Variants in ITGAV observed in about 807,000 individuals in gnomAD.
The protein encoded by ITGAV is integrin alpha-V.
A neutral mutation model predicts 143.8 loss-of-function variants in ITGAV; 76 were observed. That is an observed-to-expected ratio of 0.53 (90% CI 0.44 to 0.64). The LOEUF is 0.64. Among genes scored for constraint, ITGAV ranks in the 30% least tolerant of loss-of-function variants. The probability of loss-of-function intolerance (pLI) is 0.00; values close to 1 mark genes in which losing one functional copy is unlikely to be tolerated. For synonymous variants in ITGAV, 453 were observed against 446.7 expected, an observed-to-expected ratio of 1.01 and a Z score of -0.18; for missense variants, 1,193 against 1,274.7, an observed-to-expected ratio of 0.94 and a Z score of 0.98.
At chr2:186,625,678 T>TGTGTGTGTGTGTGAGA (rs5836988) in intron 4 of ITGAV, 91 bp downstream of exon 4, 9 of 453,186 alleles carry the variant, frequency 2.0e-5, no homozygotes, top group South Asian at 9.0e-5. Flanking sequence ...TGTGTGTGTG[T>TGTGTGTGTGTGTGAGA]GAGAGAGAGA....
chr2:186,663,932 A>T (rs958742663), intron 19 of ITGAV, 97 bp downstream of exon 19: 1 of 799,814 alleles, frequency 1.3e-6, no homozygotes, highest in Admixed American at 2.1e-5. Flanking sequence ...AGAATTAGTT[A>T]TCCTGGAGGG....
chr2:186,625,542 C>T lies in ITGAV; in HGVS notation c.478C>T (p.Leu160Phe). 6.2e-7 allele frequency: 1 copy of T among 1,613,744 alleles called. No homozygotes were observed. The highest frequency in any genetic ancestry group is 8.5e-7 in the Non-Finnish European group (1 of 1,179,884). The change falls in exon 4 of 30, where the codon CTT becomes TTT. Residue 160 changes from leucine (L) to phenylalanine (F), a missense_variant. Coordinates refer to ENST00000261023, the MANE Select transcript of ITGAV (RefSeq NM_002210.5). Reference sequence around the variant, plus strand: ...GCGAGAGCCTGTTGGAACATGCTTTCTTCAAGATGGAACAAAGACTGTTGA... The same window carrying T: ...GCGAGAGCCTGTTGGAACATGCTTTTTTCAAGATGGAACAAAGACTGTTGA... ...QEREPVGTCFLQDGTKTVEYA... is the reference protein window; with the variant it reads ...QEREPVGTCFFQDGTKTVEYA...
At position 186,652,094 on chromosome 2, in the gene ITGAV, G is replaced by C. The variant is rs755843542; in HGVS notation, c.1505+5G>C. On this transcript the variant is annotated splice_donor_5th_base_variant and intron_variant, in intron 15 of 29. Coordinates refer to ENST00000261023, the MANE Select transcript of ITGAV (RefSeq NM_002210.5). ...AACAGCTCTCAAAGTTTCCTGGTAAGGGTATTTGTTTAATAATAGTTATTA... is the reference window on the plus strand; with the variant it reads ...AACAGCTCTCAAAGTTTCCTGGTAACGGTATTTGTTTAATAATAGTTATTA... 13 of 1,528,254 alleles carry C rather than the reference G, an allele frequency of 8.5e-6. No homozygotes were observed. The highest frequency in any genetic ancestry group is 1.1e-5 in the Non-Finnish European group (12 of 1,104,208). The allele number at this position is 1,528,254 out of a possible 1,614,324, so 94.7% of individuals were successfully genotyped here.
Position 186,656,305 on chromosome 2 carries a change from A to G in ITGAV, c.1623A>G (p.Ala541=). Residue 541 remains alanine (A), a synonymous_variant, in exon 17 of 30, where the codon GCA becomes GCG. Transcript: ENST00000261023. ...KLKQKGAIRR[A]LFLYSRSPSH... ...AGCAAAAGGGAGCAATTCGACGAGC[A>G]CTGTTTCTCTACAGCAGGTCCCCAA... The G allele has an allele frequency of 1.3e-6, 2 of 1,587,590 alleles. No homozygotes were observed. Among genetic ancestry groups the G allele is most frequent in the Non-Finnish European group, 8.5e-7 (1 of 1,170,526 alleles).
intron 2 of ITGAV, among the ~76,000 whole-genome samples, chr2:186,608,646 G>C (rs1014114943): frequency 2.0e-5 from 3 of 151,720 alleles, no homozygotes; most frequent in Admixed American, 6.6e-5. Context: ...TGATGTTATA[G>C]TATGTTTGTT....
intron 29 of ITGAV, 58 bp downstream of exon 29, chr2:186,676,993 A>G: frequency 6.5e-7 from 1 of 1,544,400 alleles, no homozygotes. Context: ...GGGAAAGGGA[A>G]GAAGGAAAAG....
intron 19 of ITGAV, 124 bp from the exon 20 acceptor site, chr2:186,664,370 A>G (rs1185675623): frequency 1.1e-6 from 1 of 924,106 alleles, no homozygotes; most frequent in Non-Finnish European, 1.6e-6. Context: ...AAGTAGTCTT[A>G]AAATACCTTG....
intron 10 of ITGAV, among the ~76,000 whole-genome samples, chr2:186,639,539 G>A (rs1666014548): frequency 6.6e-6 from 1 of 152,154 alleles, no homozygotes; most frequent in Non-Finnish European, 1.5e-5. Flanking sequence ...GTATGAGTCT[G>A]GATCCTACTG....
intron 15 of ITGAV, among the ~76,000 whole-genome samples, chr2:186,652,986 C>T (rs1688479826): frequency 7.3e-6 from 1 of 137,852 alleles, no homozygotes; most frequent in African/African-American, 2.7e-5. Flanking sequence ...TCGCCCAGGC[C>T]GGACTGCAGA....
At chr2:186,669,651 A>G in intron 25 of ITGAV, 50 bp from the exon 26 acceptor site, 8 of 1,274,466 alleles carry the variant, frequency 6.3e-6, no homozygotes, top group Non-Finnish European at 9.0e-6. Flanking sequence ...GCTGATGTAA[A>G]ATGTTTTTCA....
chr2:186,674,470 G>T (rs1465222114), intron 26 of ITGAV, among the ~76,000 whole-genome samples: 1 of 152,070 alleles, frequency 6.6e-6, no homozygotes, highest in South Asian at 2.1e-4. Flanking sequence ...CATCTACAAA[G>T]AGATAGCTTT....
chr2:186,657,581 A>G (rs1688626514), intron 17 of ITGAV, among the ~76,000 whole-genome samples: 1 of 152,208 alleles, frequency 6.6e-6, no homozygotes, highest in African/African-American at 2.4e-5. Context: ...CAACAGTAGA[A>G]TGTAAAGATA....
rs192815813 is a variant in ITGAV, at chr2:186,599,385, G to A, written c.186-2636G>A. ...ATAACCCCAACTGTGTTCTGATACA[G>A]CATACTGTCTCAGGCAGGGCTTCAG... is the stretch of plus-strand genomic sequence containing the variant. On this transcript the variant is annotated intron_variant, in intron 1 of 29. Transcript: ENST00000261023. 1.1e-3 allele frequency among the ~76,000 whole-genome samples: 175 copies of A among 152,262 alleles called. 1 individual carries two copies. Among genetic ancestry groups the A allele is most frequent in the African/African-American group, 3.9e-3 (164 of 41,554 alleles).
chr2:186,648,994 A>ATATATATATACATTTG (rs1688346326), intron 13 of ITGAV, among the ~76,000 whole-genome samples: 1 of 7,778 alleles, frequency 1.3e-4, no homozygotes, highest in African/African-American at 2.6e-4. Flanking sequence ...ATTTGTGTGT[A>ATATATATATACATTTG]TATATATACA....
chr2:186,622,321 C>G lies in ITGAV; in HGVS notation c.317-18C>G, dbSNP rs751781133. On this transcript the variant is annotated intron_variant, in intron 2 of 29. Coordinates refer to ENST00000261023, the MANE Select transcript of ITGAV (RefSeq NM_002210.5). Reference sequence around the variant, plus strand: ...ATAGTATATTTTGTGTCTTACCACTCACAATATTCTTTTTTAGGCAATAGA... The same window carrying G: ...ATAGTATATTTTGTGTCTTACCACTGACAATATTCTTTTTTAGGCAATAGA... The G allele has an allele frequency of 6.4e-7, 1 of 1,551,704 alleles. No individual in the cohort carries two copies. The highest frequency in any genetic ancestry group is 8.9e-7 in the Non-Finnish European group (1 of 1,124,194).
intron 13 of ITGAV, among the ~76,000 whole-genome samples, 186 bp downstream of exon 13, chr2:186,647,063 T>C (rs1023115770): frequency 9.8e-5 from 15 of 152,346 alleles, no homozygotes; most frequent in African/African-American, 3.4e-4. Context: ...GTCAGCTCTC[T>C]TTCCTGGGAG....
chr2:186,632,875 A>G (rs1687850315), intron 5 of ITGAV, among the ~76,000 whole-genome samples: 1 of 152,156 alleles, frequency 6.6e-6, no homozygotes, highest in Non-Finnish European at 1.5e-5. Flanking sequence ...TTGAATGAAT[A>G]TATTAAAATG....
At chr2:186,649,231 ATAAAGTTT>A (rs1400100941) in intron 13 of ITGAV, among the ~76,000 whole-genome samples, 1 of 151,468 alleles carries the variant, frequency 6.6e-6, no homozygotes, top group East Asian at 1.9e-4. Flanking sequence ...CATTTTGAGC[ATAAAGTTT>A]TAAACTTTTA....
At chr2:186,674,138 A>G (rs983240406) in intron 26 of ITGAV, among the ~76,000 whole-genome samples, 23 of 151,876 alleles carry the variant, frequency 1.5e-4, no homozygotes, top group Non-Finnish European at 2.9e-5. Context: ...ACACCTGGCT[A>G]ATTTTTAAAT....
Sources: gnomAD v4.1 joint callset for allele counts (sites outside exome capture counted in the v4.1 genomes callset) on GRCh38, gnomAD v4.1.1 for gene constraint, MANE v1.5 for transcripts, NCBI Gene and HGNC (gene_info 2026-07-23, HGNC 2026-07-21) for gene names.